The following ZDHHC19 variants were observed in gnomAD, a reference collection of about 807,000 sequenced individuals.
ZDHHC19 encodes zDHHC palmitoyltransferase 19.
In ZDHHC19, 30 loss-of-function variants were observed where a neutral mutation model predicts 33.9. The ratio of observed to expected loss-of-function variants is 0.88; its 90% CI spans 0.66 to 1.20. ZDHHC19 has a LOEUF of 1.20. Among genes scored for constraint, ZDHHC19 ranks in the 50% most tolerant of loss-of-function variants. The pLI is 0.00. For missense variants in ZDHHC19, 364 were observed against 401.1 expected, an observed-to-expected ratio of 0.91 and a Z score of 0.79; for synonymous variants, 178 against 167.6, an observed-to-expected ratio of 1.06 and a Z score of -0.48.
intron 5 of ZDHHC19, among the ~76,000 whole-genome samples, chr3:196,200,567 G>C (rs554952535): frequency 2.0e-5 from 3 of 150,270 alleles, no homozygotes; most frequent in East Asian, 2.0e-4. Flanking sequence ...TGTTAGCCAG[G>C]ATGGTCTCGA....
In ZDHHC19 at chr3:196,198,403, C is replaced by A; in HGVS notation, c.822G>T (p.Trp274Cys). ...VQLQRVVGPDWTSMPNLHPPM... is the reference protein window; with the variant it reads ...VQLQRVVGPDCTSMPNLHPPM... ...GAGGGTGCAGATTCGGCATGGATGT[C>A]CAGTCAGGCCCCACCACTCTCTGCA... Residue 274 changes from tryptophan to cysteine, a missense_variant, in exon 7 of 8, where the codon TGG becomes TGT. Trp to Cys is a radical substitution (Grantham distance 215). Coordinates refer to ENST00000296326, the MANE Select transcript of ZDHHC19 (RefSeq NM_001039617.2). 1.4e-5 allele frequency: 22 copies of A among 1,543,954 alleles called. No individual in the cohort carries two copies. The highest frequency in any genetic ancestry group is 1.9e-5 in the Non-Finnish European group (22 of 1,145,038).
chr3:196,200,530 AT>A (rs1350672155), intron 5 of ZDHHC19, among the ~76,000 whole-genome samples: 3 of 148,420 alleles, frequency 2.0e-5, no homozygotes, highest in African/African-American at 7.6e-5. Flanking sequence ...AATTTTTTGT[AT>A]TTTTAGTAGA....
chr3:196,205,097 CT>C (rs1722634569), intron 5 of ZDHHC19, among the ~76,000 whole-genome samples: 1 of 152,156 alleles, frequency 6.6e-6, no homozygotes, highest in South Asian at 2.1e-4. Context: ...CAGAGTGAGA[CT>C]CCATCTCAAA....
At chr3:196,204,800 A>C (rs938796408) in intron 5 of ZDHHC19, among the ~76,000 whole-genome samples, 1 of 152,206 alleles carries the variant, frequency 6.6e-6, no homozygotes, top group South Asian at 2.1e-4. Flanking sequence ...ACAATTTGGC[A>C]ATTTATTATG....
chr3:196,209,398 G>C lies in ZDHHC19; in HGVS notation c.386C>G (p.Pro129Arg). The C allele has an allele frequency of 6.2e-7, 1 of 1,604,702 alleles. No individual in the cohort carries two copies. Among genetic ancestry groups the C allele is most frequent in the Non-Finnish European group, 8.5e-7 (1 of 1,176,120 alleles). ...CACCTCCACACAGATGTTGCACCAG[G>C]GGCAGTGGTAAGTCCGGGGCGGGCG... ...FHRPPRTYHCPWCNICVEDFD... is the reference protein window; with the variant it reads ...FHRPPRTYHCRWCNICVEDFD... Residue 129 changes from proline to arginine, a missense_variant, in exon 3 of 8, where the codon CCC (proline) becomes CGC (arginine). Coordinates refer to ENST00000296326, the MANE Select transcript of ZDHHC19 (RefSeq NM_001039617.2).
rs185895656 is a variant in ZDHHC19 at position 196,200,122 on chromosome 3, A to T, written c.688-1248T>A. On this transcript the variant is annotated intron_variant, in intron 5 of 7. Coordinates refer to ENST00000296326, the MANE Select transcript of ZDHHC19 (RefSeq NM_001039617.2). ...CTGAGACTTTCATCTCTAAAAAAAT[A>T]AAAATAGGTGGCTGTGGCATTGTGC... 3.0e-4 allele frequency among the ~76,000 whole-genome samples: 46 copies of T among 151,080 alleles called. 2 individuals carry two copies. The highest frequency in any genetic ancestry group is 1.1e-3 in the African/African-American group (43 of 40,944).
rs375096268 is a variant in ZDHHC19, at chr3:196,200,565, A to G, written c.688-1691T>C. ...GAGACGGGGTTTCACCGTGTTAGCC[A>G]GGATGGTCTCGATCTCCTGACCTCG... On this transcript the variant is annotated intron_variant, in intron 5 of 7. Transcript: ENST00000296326. Among the ~76,000 whole-genome samples, 440 of 150,308 alleles carry G rather than the reference A, an allele frequency of 2.9e-3. 4 individuals carry two copies. The highest frequency in any genetic ancestry group is 4.5e-3 in the Non-Finnish European group (302 of 67,766).
In ZDHHC19 at chr3:196,210,699, G is replaced by A. The variant is rs200139256; in HGVS notation, c.185C>T (p.Pro62Leu). Residue 62 changes from proline (P) to leucine (L), a missense_variant, in exon 2 of 8, where the codon CCT becomes CTT. Pro to Leu is a moderately conservative substitution (Grantham distance 98, BLOSUM62 -3). Transcript: ENST00000296326. ...GACAAAGAGGGAGCCTGTGATAACA[G>A]GAAAGGCCCACTCCCCGTTCTGAGC... ...WLAQNGEWAFPVITGSLFVLT... is the reference protein window; with the variant it reads ...WLAQNGEWAFLVITGSLFVLT... 692 of 1,614,014 alleles carry A rather than the reference G, an allele frequency of 4.3e-4. No individual in the cohort carries two copies. Among genetic ancestry groups the A allele is most frequent in the Middle Eastern group, 1.6e-3 (10 of 6,062 alleles).
chr3:196,200,386 G>A (rs1230318187), intron 5 of ZDHHC19, among the ~76,000 whole-genome samples: 2 of 129,042 alleles, frequency 1.5e-5, no homozygotes, highest in Non-Finnish European at 3.2e-5. Flanking sequence ...ATGGAGTCTT[G>A]CTCTGTCACC....
At chr3:196,207,552 C>T in intron 4 of ZDHHC19, 49 bp from the exon 5 acceptor site, 1 of 1,386,544 alleles carries the variant, frequency 7.2e-7, no homozygotes, top group South Asian at 1.4e-5. Context: ...CCTGGCCCCG[C>T]CCCCCAGGCC....
intron 4 of ZDHHC19, among the ~76,000 whole-genome samples, chr3:196,207,762 T>TCCGCCCCGAGCC (rs932714939): frequency 4.9e-5 from 1 of 20,308 alleles, no homozygotes; most frequent in Admixed American, 4.3e-4. Context: ...CAGGCCCGAC[T>TCCGCCCCGAGCC]CCGCCCCGAG....
rs773577347 is a variant in ZDHHC19, at chr3:196,211,365, C to T, written c.-50G>A. On this transcript the variant is annotated 5_prime_UTR_variant, in exon 1 of 8. Transcript: ENST00000296326. ...GGAGGTCAGAGCCACCAGGCTTCCTCCCCCAGCCCAGCTTCCAGAGCTCCA... is the reference window on the plus strand; with the variant it reads ...GGAGGTCAGAGCCACCAGGCTTCCTTCCCCAGCCCAGCTTCCAGAGCTCCA... 3.2e-6 allele frequency: 5 copies of T among 1,546,670 alleles called. No homozygotes were observed. Among genetic ancestry groups the T allele is most frequent in the Non-Finnish European group, 3.5e-6 (4 of 1,148,536 alleles).
chr3:196,202,543 C>T (rs544546485), intron 5 of ZDHHC19: 1 of 152,566 alleles, frequency 6.6e-6, no homozygotes, highest in African/African-American at 2.4e-5. Flanking sequence ...CAGCCTCAAC[C>T]TTCAGGGTGG....
At chr3:196,209,299 G>A (rs1723023303) in intron 3 of ZDHHC19, 77 bp downstream of exon 3, 2 of 1,510,068 alleles carry the variant, frequency 1.3e-6, no homozygotes, top group African/African-American at 2.8e-5. Flanking sequence ...ACCCAGCCCT[G>A]GCCCCTGTAT....
Position 196,207,387 on chromosome 3 carries a change from GC to G in ZDHHC19, c.687+10del. The G allele has an allele frequency of 5.8e-6, 9 of 1,550,566 alleles. No individual in the cohort carries two copies. The highest frequency in any genetic ancestry group is 7.8e-6 in the Non-Finnish European group (9 of 1,147,172). On this transcript the variant is annotated intron_variant, in intron 5 of 7. Transcript: ENST00000296326. ...CCGAGGTGCAAGCTGACCACCCGCG[GC>G]CCCGCGTACCTTGCCCTTGTAGGTG...
chr3:196,198,887 G>A lies in ZDHHC19; in HGVS notation c.688-13C>T, dbSNP rs1431210936. On this transcript the variant is annotated splice_polypyrimidine_tract_variant and intron_variant, in intron 5 of 7. Coordinates refer to ENST00000296326, the MANE Select transcript of ZDHHC19 (RefSeq NM_001039617.2). ...GAAGGTGTCTGCACTGGTCGGGGAT[G>A]GAAACCGGAAGAGGAGCTCAGAACC... The A allele has an allele frequency of 9.3e-6, 15 of 1,613,048 alleles. No individual in the cohort carries two copies. Among genetic ancestry groups the A allele is most frequent in the Admixed American group, 3.3e-5 (2 of 60,004 alleles).
At chr3:196,202,154 A>C (rs1190901460) in intron 5 of ZDHHC19, among the ~76,000 whole-genome samples, 3 of 152,170 alleles carry the variant, frequency 2.0e-5, no homozygotes, top group African/African-American at 7.2e-5. Context: ...TCCCGTCTCT[A>C]ATAAAATACG....
intron 5 of ZDHHC19, among the ~76,000 whole-genome samples, chr3:196,205,235 C>T (rs998331792): frequency 2.6e-5 from 4 of 152,186 alleles, no homozygotes; most frequent in Admixed American, 6.5e-5. Flanking sequence ...TTATAATCCC[C>T]CAAACTAGAA....
chr3:196,198,138 AACCC>A, intron 7 of ZDHHC19, 134 bp downstream of exon 7: 3 of 841,766 alleles, frequency 3.6e-6, no homozygotes, highest in South Asian at 6.8e-5. Flanking sequence ...TCCAGTGTAG[AACCC>A]TCCTCCCCCC....
Sources: gnomAD v4.1 joint callset for allele counts (sites outside exome capture counted in the v4.1 genomes callset) on GRCh38, gnomAD v4.1.1 for gene constraint, MANE v1.5 for transcripts, NCBI Gene and HGNC (gene_info 2026-07-23, HGNC 2026-07-21) for gene names.